DLST: variants seen among roughly 807,000 people sequenced by gnomAD.
DLST encodes dihydrolipoyllysine-residue succinyltransferase component of 2-oxoglutarate dehydrogenase complex, mitochondrial.
In DLST, 17 loss-of-function variants were observed where a neutral mutation model predicts 53.1. The ratio of observed to expected loss-of-function variants is 0.32; its 90% CI spans 0.22 to 0.48. The LOEUF (loss-of-function observed/expected upper bound fraction) is 0.48. Ranked by LOEUF, DLST falls within the 20% of genes least tolerant of loss-of-function variation. The probability of loss-of-function intolerance (pLI) is 0.99; values close to 1 mark genes in which losing one functional copy is unlikely to be tolerated. For missense variants in DLST, 512 were observed against 583.9 expected, an observed-to-expected ratio of 0.88 and a Z score of 1.27; for synonymous variants, 206 against 204.8, an observed-to-expected ratio of 1.01 and a Z score of -0.05.
In DLST at chr14:74,898,361, T is replaced by C. The variant is rs1884136394; in HGVS notation, c.771-8T>C. 3.1e-6 allele frequency: 5 copies of C among 1,608,692 alleles called. No homozygotes were observed. The East Asian group carries it at 1.1e-4, about 36-fold the overall frequency. The stretch of plus-strand genomic sequence containing the variant: ...TTGTGGTCAGTTTGTTTTGTAATAT[T>C]TTCACAGTAACATCCAGGAGATGAG... On this transcript the variant is annotated splice_polypyrimidine_tract_variant and splice_region_variant and intron_variant, in intron 10 of 14. Coordinates refer to ENST00000334220, the MANE Select transcript of DLST (RefSeq NM_001933.5).
chr14:74,899,867 CATT>C, intron 11 of DLST, 53 bp from the exon 12 acceptor site: 1 of 1,388,290 alleles, frequency 7.2e-7, no homozygotes. Flanking sequence ...CATATTACCT[CATT>C]AGTCTTGGCC....
chr14:74,901,680 C>G (rs1045924581), intron 14 of DLST, among the ~76,000 whole-genome samples: 1 of 152,110 alleles, frequency 6.6e-6, no homozygotes, highest in African/African-American at 2.4e-5. Context: ...TGAGCTGGCC[C>G]TTAGAAGATA....
In DLST at chr14:74,903,018, C is replaced by A. The variant is rs761944661; in HGVS notation, c.*688C>A. The A allele has an allele frequency of 6.6e-6, 1 of 152,642 alleles. No individual in the cohort carries two copies. The highest frequency in any genetic ancestry group is 1.5e-5 in the Non-Finnish European group (1 of 68,090). The allele number at this position is 152,642 out of a possible 1,614,324, so 9.5% of individuals were successfully genotyped here. ...GAAGGAGAGCCCAGGCCTGCCCTCA[C>A]GCTCTCCATCATAGGCTGACACCAA... On this transcript the variant is annotated 3_prime_UTR_variant, in exon 15 of 15. Transcript: ENST00000334220.
At chr14:74,883,156 G>A (rs1320432538) in intron 2 of DLST, among the ~76,000 whole-genome samples, 2 of 152,140 alleles carry the variant, frequency 1.3e-5, no homozygotes, top group Admixed American at 6.5e-5. Flanking sequence ...TTAGCCGGGC[G>A]TGGTGGCAGG....
At chr14:74,899,880 C>T (rs1379655628) in intron 11 of DLST, 43 bp from the exon 12 acceptor site, 1 of 1,511,832 alleles carries the variant, frequency 6.6e-7, no homozygotes, top group East Asian at 2.3e-5. Context: ...TAGTCTTGGC[C>T]TTCCTGGGGA....
chr14:74,884,137 G>A (rs1370400461), intron 2 of DLST, among the ~76,000 whole-genome samples: 1 of 152,198 alleles, frequency 6.6e-6, no homozygotes, highest in Non-Finnish European at 1.5e-5. Context: ...TCCAGGCAAA[G>A]GGAATTGCTT....
At chr14:74,894,936 C>G (rs1373542694) in intron 10 of DLST, among the ~76,000 whole-genome samples, 1 of 152,104 alleles carries the variant, frequency 6.6e-6, no homozygotes, top group East Asian at 1.9e-4. Context: ...ATGACCTTAA[C>G]CTTAGCCTTG....
At chr14:74,885,497 G>T (rs1883670967) in intron 2 of DLST, 89 bp from the exon 3 acceptor site, 5 of 1,292,862 alleles carry the variant, frequency 3.9e-6, no homozygotes, top group South Asian at 2.4e-5. Context: ...TCTGTCTCAG[G>T]GTTGGGGGTG....
chr14:74,889,367 ATTT>A lies in DLST; in HGVS notation c.274+36_274+38del, dbSNP rs560243017. 5,083 of 1,195,928 alleles carry A rather than the reference ATTT, an allele frequency of 4.3e-3. No homozygotes were observed. The highest frequency in any genetic ancestry group is 5.3e-3 in the Admixed American group (192 of 35,992). The allele number at this position is 1,195,928 out of a possible 1,614,324, so 74.1% of individuals were successfully genotyped here. A position where few individuals can be genotyped will look rare whatever the true frequency, so the allele number is the denominator to read the frequency against. ...GGAGAAAGGTAAGATTTAGTTTCCT[ATTT>A]TTTTTTTTTTTTTTTTTGAGACAGA... On this transcript the variant is annotated intron_variant, in intron 5 of 14. Transcript: ENST00000334220.
intron 13 of DLST, 86 bp from the exon 14 acceptor site, chr14:74,900,980 C>T: frequency 2.0e-6 from 3 of 1,467,976 alleles, no homozygotes; most frequent in Non-Finnish European, 2.8e-6. Flanking sequence ...CCTGCCTCGG[C>T]CTCCCAAAGC....
At position 74,902,210 on chromosome 14, in the gene DLST, C is replaced by T; in HGVS notation, c.1242C>T (p.Pro414=). 6.2e-7 allele frequency: 1 copy of T among 1,602,662 alleles called. No homozygotes were observed. Among genetic ancestry groups the T allele is most frequent in the South Asian group, 1.1e-5 (1 of 89,534 alleles). ...CCTCTCTGTAGGTAGAGGTGCGGCC[C>T]ATGATGTACGTGGCACTGACCTATG... is the stretch of plus-strand genomic sequence containing the variant. ...VAIGGKVEVR[P]MMYVALTYDH... The change falls in exon 15 of 15, where the codon CCC becomes CCT. Residue 414 remains proline (P), a synonymous_variant. Transcript: ENST00000334220.
In DLST at chr14:74,902,697, C is replaced by G. The variant is rs1884301030; in HGVS notation, c.*367C>G. On this transcript the variant is annotated 3_prime_UTR_variant, in exon 15 of 15. Coordinates refer to ENST00000334220, the MANE Select transcript of DLST (RefSeq NM_001933.5). Reference sequence around the variant, plus strand: ...CCCCTGGGGACCATGTGATTAAGTTCCTATCTTTTGAAAGTTTGTTCTGCA... The same window carrying G: ...CCCCTGGGGACCATGTGATTAAGTTGCTATCTTTTGAAAGTTTGTTCTGCA... 6.2e-6 allele frequency: 1 copy of G among 162,086 alleles called. No individual in the cohort carries two copies. Among genetic ancestry groups the G allele is most frequent in the South Asian group, 2.0e-4 (1 of 4,986 alleles). 10.0% of individuals were successfully genotyped at this position (162,086 alleles called of 1,614,324 possible).
At chr14:74,897,686 AC>A (rs1884113365) in intron 10 of DLST, among the ~76,000 whole-genome samples, 1 of 152,186 alleles carries the variant, frequency 6.6e-6, no homozygotes. Flanking sequence ...CCTGGCCCTG[AC>A]CCTCACATGT....
In DLST at chr14:74,888,766, G is replaced by A. The variant is rs76959574; in HGVS notation, c.147-329G>A. On this transcript the variant is annotated intron_variant, in intron 3 of 14. Coordinates refer to ENST00000334220, the MANE Select transcript of DLST (RefSeq NM_001933.5). ...TCATTTCGGTCTGCAAAGGACCAAG[G>A]TGCTTATTTTTTTATTGAAAGAGCC... is the stretch of plus-strand genomic sequence containing the variant. Among the ~76,000 whole-genome samples, 1,507 of 152,178 alleles carry A rather than the reference G, an allele frequency of 9.9e-3. 36 individuals carry two copies. The highest frequency in any genetic ancestry group is 0.035 in the African/African-American group (1,450 of 41,510).
chr14:74,893,401 A>G lies in DLST; in HGVS notation c.649A>G (p.Lys217Glu). 1 of 1,614,252 alleles carries G rather than the reference A, an allele frequency of 6.2e-7. No individual in the cohort carries two copies. Among genetic ancestry groups the G allele is most frequent in the Non-Finnish European group, 8.5e-7 (1 of 1,180,032 alleles). ...ACCACTAGCTGAGCCAGGAGCTGGC[A>G]AAGGTCTGCGTTCAGAACATCGGGT... ...APPLAEPGAG[K>E]GLRSEHREKM... The change falls in exon 9 of 15, where the codon AAA becomes GAA. Residue 217 changes from lysine (K) to glutamate (E), a missense_variant. Lys to Glu is a moderately conservative substitution (Grantham distance 56). This residue lies in a region of DLST where 162 missense variants were observed against 162.0 expected (regional missense o/e 1.00). Transcript: ENST00000334220.
chr14:74,897,319 C>T (rs554168141), intron 10 of DLST, among the ~76,000 whole-genome samples: 1 of 152,240 alleles, frequency 6.6e-6, no homozygotes, highest in South Asian at 2.1e-4. Flanking sequence ...ATGCTAATGT[C>T]GAATTAGGCC....
rs769413082 is a variant in DLST, at chr14:74,891,111, C to T, written c.386C>T (p.Pro129Leu). ...GGCGTGATTGAAGCTCTTTTGGTAC[C>T]TGATGGGGGAAAAGTCGAAGGAGGC... is the stretch of plus-strand genomic sequence containing the variant. The part of the protein sequence containing the change: ...ANGVIEALLV[P>L]DGGKVEGGTP... Residue 129 changes from proline (P) to leucine (L), a missense_variant, in exon 7 of 15, where the codon CCT (proline) becomes CTT (leucine). Coordinates refer to ENST00000334220, the MANE Select transcript of DLST (RefSeq NM_001933.5). The T allele has an allele frequency of 5.2e-5, 84 of 1,614,082 alleles. 1 individual carries two copies. The Admixed American group carries it at 1.3e-3, about 25-fold the overall frequency.
At chr14:74,899,313 A>G (rs942570307) in intron 11 of DLST, among the ~76,000 whole-genome samples, 2 of 151,888 alleles carry the variant, frequency 1.3e-5, no homozygotes, top group African/African-American at 4.8e-5. Flanking sequence ...TTCACATTAC[A>G]TGCTTCCTCT....
At chr14:74,897,531 A>G (rs1049903342) in intron 10 of DLST, among the ~76,000 whole-genome samples, 3 of 152,242 alleles carry the variant, frequency 2.0e-5, no homozygotes, top group African/African-American at 7.2e-5. Flanking sequence ...TCATGTTGTA[A>G]AGGCTTTTCA....
Sources: allele counts gnomAD v4.1 joint callset (sites outside exome capture counted in the v4.1 genomes callset), GRCh38; gene constraint gnomAD v4.1.1; regional missense constraint gnomAD v4.1.1; transcripts MANE v1.5; gene names NCBI Gene and HGNC (gene_info 2026-07-23, HGNC 2026-07-21).